Variants in MCU observed in about 807,000 individuals in gnomAD.
The protein encoded by MCU is calcium uniporter protein, mitochondrial.
MCU carries 12 observed loss-of-function variants against 45.2 expected under a neutral mutation model. The ratio of observed to expected loss-of-function variants is 0.27; its 90% confidence interval spans 0.17 to 0.43. The LOEUF (loss-of-function observed/expected upper bound fraction) is 0.43, where lower values mean the gene tolerates loss of function less well. Ranked by LOEUF, MCU falls within the 20% of genes least tolerant of loss-of-function variation. The pLI is 1.00. For synonymous variants in MCU, 160 were observed against 165.1 expected (o/e 0.97, Z 0.24); for missense variants, 324 against 436.7 (o/e 0.74, Z 2.30).
intron 1 of MCU, among the ~76,000 whole-genome samples, chr10:72,696,161 CAAAAAAAAAA>C (rs58694098): frequency 1.6e-4 from 5 of 30,640 alleles, no homozygotes; most frequent in Admixed American, 5.5e-4. Context: ...AACTCCGACT[CAAAAAAAAAA>C]AAAAAAAAAA....
intron 1 of MCU, among the ~76,000 whole-genome samples, chr10:72,794,363 A>G (rs757094071): frequency 5.9e-5 from 9 of 152,312 alleles, no homozygotes; most frequent in East Asian, 3.9e-4. Context: ...CTGGAATCCA[A>G]CCAGACACAT....
chr10:72,764,572 T>G (rs1291417146), intron 1 of MCU, among the ~76,000 whole-genome samples: 2 of 152,202 alleles, frequency 1.3e-5, no homozygotes, highest in South Asian at 2.1e-4. Flanking sequence ...ATTACACTGC[T>G]AAAACTATAA....
intron 1 of MCU, among the ~76,000 whole-genome samples, chr10:72,709,593 CT>C (rs1564534852): frequency 1.3e-5 from 2 of 149,254 alleles, no homozygotes; most frequent in Non-Finnish European, 3.0e-5. Context: ...GTTTTTTTTT[CT>C]TTTTTGAGGG....
intron 1 of MCU, among the ~76,000 whole-genome samples, chr10:72,704,724 T>C (rs2132652952): frequency 7.0e-6 from 1 of 143,208 alleles, no homozygotes; most frequent in South Asian, 2.3e-4. Context: ...TTTTTTTTTT[T>C]TTTTTTTTGA....
At chr10:72,848,367 T>C (rs1403881330) in intron 2 of MCU, among the ~76,000 whole-genome samples, 4 of 152,188 alleles carry the variant, frequency 2.6e-5, no homozygotes, top group Admixed American at 1.3e-4. Context: ...GTCTTCTTGC[T>C]GCATTGTAAC....
At chr10:72,745,892 G>A (rs977937621) in intron 1 of MCU, among the ~76,000 whole-genome samples, 6 of 151,930 alleles carry the variant, frequency 3.9e-5, no homozygotes, top group African/African-American at 7.3e-5. Flanking sequence ...TAATTTTGAC[G>A]TGTATAGTTC....
intron 1 of MCU, among the ~76,000 whole-genome samples, chr10:72,768,186 T>C (rs569132280): frequency 8.5e-5 from 13 of 152,288 alleles, no homozygotes; most frequent in African/African-American, 2.6e-4. Flanking sequence ...TAAAATAAAA[T>C]TGTCATAGAA....
At chr10:72,722,543 A>G (rs1284996932) in intron 1 of MCU, among the ~76,000 whole-genome samples, 8 of 150,874 alleles carry the variant, frequency 5.3e-5, no homozygotes, top group Non-Finnish European at 1.2e-4. Context: ...TTAACATGCA[A>G]CTATTTTTAC....
At chr10:72,875,130 G>C (rs1320808020) in intron 6 of MCU, among the ~76,000 whole-genome samples, 1 of 152,114 alleles carries the variant, frequency 6.6e-6, no homozygotes, top group Non-Finnish European at 1.5e-5. Context: ...TACACTGTAG[G>C]ACAAGGAATT....
chr10:72,771,330 T>G (rs1051853675), intron 1 of MCU, among the ~76,000 whole-genome samples: 1 of 152,208 alleles, frequency 6.6e-6, no homozygotes, highest in African/African-American at 2.4e-5. Context: ...CTAAGAATGA[T>G]GGTTTCCAGC....
intron 1 of MCU, among the ~76,000 whole-genome samples, chr10:72,810,634 G>GATT (rs1844528236): frequency 6.8e-6 from 1 of 146,880 alleles, no homozygotes; most frequent in Admixed American, 6.8e-5. Context: ...CGCCCAGCTA[G>GATT]GTTGTTGTTG....
intron 1 of MCU, among the ~76,000 whole-genome samples, chr10:72,714,495 C>T (rs1842935185): frequency 6.6e-6 from 1 of 151,574 alleles, no homozygotes; most frequent in South Asian, 2.1e-4. Context: ...ACCCAGCTAA[C>T]TCCCAATTTT....
chr10:72,834,503 C>A, intron 2 of MCU, 75 bp downstream of exon 2: 3 of 1,280,792 alleles, frequency 2.3e-6, no homozygotes, highest in South Asian at 1.3e-5. Flanking sequence ...TTCTCTGACA[C>A]AAAAATTTAT....
intron 1 of MCU, among the ~76,000 whole-genome samples, chr10:72,773,578 A>G (rs1468333067): frequency 5.3e-5 from 8 of 152,208 alleles, no homozygotes; most frequent in Non-Finnish European, 1.2e-4. Context: ...CATAGAAATA[A>G]TAACAGGTAA....
intron 1 of MCU, among the ~76,000 whole-genome samples, chr10:72,764,479 T>C (rs1843698071): frequency 6.6e-6 from 1 of 152,194 alleles, no homozygotes; most frequent in Admixed American, 6.5e-5. Context: ...ATTCTGTGGT[T>C]GGTCCAGTAG....
intron 1 of MCU, among the ~76,000 whole-genome samples, chr10:72,720,124 A>G (rs1192111654): frequency 2.6e-5 from 4 of 152,096 alleles, no homozygotes; most frequent in Non-Finnish European, 4.4e-5. Context: ...CAATCCTTCC[A>G]CTATGGCCTG....
chr10:72,693,021 C>T (rs1429034355), intron 1 of MCU: 5 of 1,535,948 alleles, frequency 3.3e-6, no homozygotes, highest in East Asian at 4.9e-5. Flanking sequence ...TTCACGCGTG[C>T]CTGAAGCGGG....
intron 1 of MCU, among the ~76,000 whole-genome samples, chr10:72,765,964 T>G (rs1843720950): frequency 1.3e-5 from 2 of 152,054 alleles, no homozygotes; most frequent in Non-Finnish European, 2.9e-5. Flanking sequence ...CCTCCTAGGC[T>G]CCACTGATCT....
chr10:72,798,168 A>T (rs1368614106), intron 1 of MCU, among the ~76,000 whole-genome samples: 1 of 152,220 alleles, frequency 6.6e-6, no homozygotes, highest in African/African-American at 2.4e-5. Context: ...ATGCATACAA[A>T]GAAAATAAAA....
Sources: gnomAD v4.1 joint callset for allele counts (sites outside exome capture counted in the v4.1 genomes callset) on GRCh38, gnomAD v4.1.1 for gene constraint, MANE v1.5 for transcripts, NCBI Gene and HGNC (gene_info 2026-07-23, HGNC 2026-07-21) for gene names.